The following CNGA3 variants were observed in gnomAD, a reference collection of about 807,000 sequenced individuals.
CNGA3 encodes the protein cyclic nucleotide gated channel subunit alpha 3.
Under a neutral mutation model 46.6 loss-of-function variants are expected in CNGA3, and 42 were observed. That is an observed-to-expected ratio of 0.90 (90% confidence interval 0.70 to 1.17). CNGA3 has a LOEUF of 1.17. Ranked by LOEUF, CNGA3 falls within the 50% of genes most tolerant of loss-of-function variation. CNGA3 has a pLI of 0.00. For synonymous variants in CNGA3, 394 were observed against 369.4 expected (o/e 1.07, Z -0.76); for missense variants, 893 against 890.7 (o/e 1.00, Z -0.03).
intron 1 of CNGA3, among the ~76,000 whole-genome samples, chr2:98,361,423 T>C (rs1692030512): frequency 6.6e-6 from 1 of 152,186 alleles, no homozygotes; most frequent in African/African-American, 2.4e-5. Flanking sequence ...CTTTATCTAG[T>C]CTATCATTGA....
At chr2:98,365,724 G>T (rs983926483) in intron 1 of CNGA3, among the ~76,000 whole-genome samples, 5 of 151,944 alleles carry the variant, frequency 3.3e-5, no homozygotes, top group African/African-American at 1.2e-4. Flanking sequence ...TGAAGTTCTC[G>T]TGTTGTGTTT....
chr2:98,394,896 C>T (rs981714175), intron 7 of CNGA3, among the ~76,000 whole-genome samples: 1 of 152,186 alleles, frequency 6.6e-6, no homozygotes, highest in Non-Finnish European at 1.5e-5. Context: ...TTTTCCTCCA[C>T]TCCCTTCTTT....
At chr2:98,386,705 G>A (rs982205910) in intron 5 of CNGA3, among the ~76,000 whole-genome samples, 2 of 152,232 alleles carry the variant, frequency 1.3e-5, no homozygotes, top group African/African-American at 2.4e-5. Context: ...AGAAGAGTGG[G>A]TCAGAGAAAG....
chr2:98,368,000 C>T (rs903566742), intron 1 of CNGA3, among the ~76,000 whole-genome samples: 1 of 152,220 alleles, frequency 6.6e-6, no homozygotes, highest in Non-Finnish European at 1.5e-5. Flanking sequence ...ACTGTCAGAT[C>T]CTTGAGAACA....
At chr2:98,352,212 A>C (rs1483389129) in intron 1 of CNGA3, among the ~76,000 whole-genome samples, 1 of 152,174 alleles carries the variant, frequency 6.6e-6, no homozygotes, top group African/African-American at 2.4e-5. Context: ...CCTATCGCCA[A>C]ATAAGATTCC....
In CNGA3 at chr2:98,398,280, T is replaced by A. The variant is rs904030465; in HGVS notation, c.*1025T>A. 3 of 152,192 alleles carry A rather than the reference T, an allele frequency of 2.0e-5. No homozygotes were observed. Among genetic ancestry groups the A allele is most frequent in the African/African-American group, 4.8e-5 (2 of 41,452 alleles). 9.4% of individuals were successfully genotyped at this position (152,192 alleles called of 1,614,324 possible). ...CACAGATTGCAGAAATTAGCTTTTT[T>A]AAAAAACAAACCCCAGTAAATATAA... On this transcript the variant is annotated 3_prime_UTR_variant, in exon 8 of 8. Transcript: ENST00000272602.
At chr2:98,377,289 A>G (rs974656834) in intron 2 of CNGA3, 2 of 212,154 alleles carry the variant, frequency 9.4e-6, no homozygotes, top group Non-Finnish European at 1.9e-5. Flanking sequence ...CTAGCCTCAG[A>G]AGATGAAATT....
At chr2:98,391,790 C>T in intron 6 of CNGA3, 74 bp from the exon 7 acceptor site, 1 of 1,400,464 alleles carries the variant, frequency 7.1e-7, no homozygotes, top group South Asian at 1.2e-5. Context: ...CACACAGAGC[C>T]CGTGCCCACA....
At chr2:98,365,224 T>C (rs1457067671) in intron 1 of CNGA3, among the ~76,000 whole-genome samples, 1 of 152,120 alleles carries the variant, frequency 6.6e-6, no homozygotes, top group East Asian at 1.9e-4. Flanking sequence ...GGCAAATCAC[T>C]TGAAGTTAGG....
chr2:98,351,464 C>A (rs1305447580), intron 1 of CNGA3, among the ~76,000 whole-genome samples: 1 of 152,152 alleles, frequency 6.6e-6, no homozygotes, highest in Non-Finnish European at 1.5e-5. Context: ...TGCTGCCATC[C>A]ATGTAAGATG....
chr2:98,351,487 C>G (rs1691768767), intron 1 of CNGA3, among the ~76,000 whole-genome samples: 1 of 152,184 alleles, frequency 6.6e-6, no homozygotes, highest in African/African-American at 2.4e-5. Context: ...ACTGGCTCCT[C>G]CTTCCACCAT....
chr2:98,369,981 C>T lies in CNGA3; in HGVS notation c.6C>T (p.Ala2=). Residue 2 remains alanine (A), a synonymous_variant, in exon 2 of 8, where the codon GCC becomes GCT. Transcript: ENST00000272602. ...AAATGTGACAAACCGAGAAGATGGC[C>T]AAGATCAACACCCAATACTCCCACC... M[A]KINTQYSHPS... 6.2e-7 allele frequency: 1 copy of T among 1,613,682 alleles called. No homozygotes were observed. Among genetic ancestry groups the T allele is most frequent in the South Asian group, 1.1e-5 (1 of 90,996 alleles).
chr2:98,367,129 A>T (rs1030781786), intron 1 of CNGA3, among the ~76,000 whole-genome samples: 6 of 137,566 alleles, frequency 4.4e-5, no homozygotes, highest in Non-Finnish European at 9.3e-5. Flanking sequence ...TTCACTCACC[A>T]TTTTCATTCT....
At chr2:98,349,639 A>G (rs1038104478) in intron 1 of CNGA3, among the ~76,000 whole-genome samples, 1 of 152,224 alleles carries the variant, frequency 6.6e-6, no homozygotes, top group South Asian at 2.1e-4. Flanking sequence ...AAAGGCCTGG[A>G]TCAAGGCAGG....
chr2:98,351,030 C>T (rs1691757999), intron 1 of CNGA3: 2 of 152,260 alleles, frequency 1.3e-5, no homozygotes, highest in Non-Finnish European at 2.9e-5. Context: ...CATCACCTCA[C>T]AGCTCAACCC....
chr2:98,395,585 G>A (rs907182029), intron 7 of CNGA3, among the ~76,000 whole-genome samples: 5 of 152,028 alleles, frequency 3.3e-5, no homozygotes, highest in Non-Finnish European at 7.4e-5. Flanking sequence ...TTGTTATCAT[G>A]TAATACCCAA....
intron 1 of CNGA3, among the ~76,000 whole-genome samples, chr2:98,361,779 C>A (rs1692039481): frequency 6.8e-6 from 1 of 148,066 alleles, no homozygotes; most frequent in Non-Finnish European, 1.5e-5. Context: ...GCGATCTCGG[C>A]TCTCTGCAAG....
chr2:98,384,225 T>G (rs544952679), intron 5 of CNGA3, among the ~76,000 whole-genome samples: 2 of 152,258 alleles, frequency 1.3e-5, no homozygotes, highest in African/African-American at 4.8e-5. Flanking sequence ...TGGGCCAATT[T>G]TGGGGGCGTA....
intron 7 of CNGA3, among the ~76,000 whole-genome samples, chr2:98,393,823 G>C (rs1248978881): frequency 6.6e-6 from 1 of 152,032 alleles, no homozygotes; most frequent in Admixed American, 6.6e-5. Context: ...AGAATTGAGA[G>C]AAGACATCTT....
Sources: allele counts gnomAD v4.1 joint callset (sites outside exome capture counted in the v4.1 genomes callset), GRCh38; gene constraint gnomAD v4.1.1; transcripts MANE v1.5; gene names NCBI Gene and HGNC (gene_info 2026-07-23, HGNC 2026-07-21).